Variants in CPEB3 observed in about 807,000 individuals in gnomAD.
CPEB3 encodes cytoplasmic polyadenylation element-binding protein 3.
CPEB3 carries 20 observed loss-of-function variants against 67.2 expected under a neutral mutation model. The ratio of observed to expected loss-of-function variants is 0.30; its 90% CI spans 0.21 to 0.43. The LOEUF (loss-of-function observed/expected upper bound fraction) is 0.43. CPEB3 is among the 20% of genes least tolerant of loss of function. The pLI, the probability that CPEB3 is intolerant of heterozygous loss-of-function variation, is 1.00. For synonymous variants in CPEB3, 376 were observed against 393.1 expected (o/e 0.96, Z 0.51); for missense variants, 746 against 968.6 (o/e 0.77, Z 3.05).
Position 92,173,542 on chromosome 10 carries a change from T to C in CPEB3, c.1222+7421A>G, listed in dbSNP as rs140418467. Among the ~76,000 whole-genome samples, 331 of 152,230 alleles carry C rather than the reference T, an allele frequency of 2.2e-3. 1 individual carries two copies. Among genetic ancestry groups the C allele is most frequent in the African/African-American group, 7.7e-3 (321 of 41,526 alleles). ...AAACTATTTTCCCAAAGACACCGAA[T>C]TTGCATGTTTGTGTTAAGGTAGTAA... On this transcript the variant is annotated intron_variant, in intron 4 of 9. Coordinates refer to ENST00000265997, the MANE Select transcript of CPEB3 (RefSeq NM_014912.5).
At chr10:92,119,973 C>T (rs1369819542) in intron 6 of CPEB3, among the ~76,000 whole-genome samples, 4 of 151,310 alleles carry the variant, frequency 2.6e-5, no homozygotes, top group East Asian at 1.9e-4. Flanking sequence ...AAACAAATTG[C>T]GCCAGGCGCG....
intron 9 of CPEB3, among the ~76,000 whole-genome samples, chr10:92,069,354 T>C (rs1248819107): frequency 1.3e-5 from 2 of 152,168 alleles, no homozygotes; most frequent in East Asian, 3.8e-4. Context: ...AAATAAAAAA[T>C]TGACTATTCT....
chr10:92,112,927 A>C (rs896897062), intron 6 of CPEB3, among the ~76,000 whole-genome samples: 2 of 152,264 alleles, frequency 1.3e-5, no homozygotes, highest in African/African-American at 4.8e-5. Flanking sequence ...CTGGCTAAGA[A>C]GCAAAGCTCT....
At chr10:92,240,690 A>G (rs1007914398) in intron 1 of CPEB3, among the ~76,000 whole-genome samples, 6 of 152,242 alleles carry the variant, frequency 3.9e-5, no homozygotes, top group Non-Finnish European at 4.4e-5. Context: ...CGGAACTCAG[A>G]GCGTTCGCCC....
intron 1 of CPEB3, among the ~76,000 whole-genome samples, chr10:92,284,544 C>A (rs922096601): frequency 6.6e-6 from 1 of 152,008 alleles, no homozygotes; most frequent in Admixed American, 6.6e-5. Flanking sequence ...CATTTGTACA[C>A]GCTGTTCTTT....
rs1850426596 is a variant in CPEB3 at position 92,216,768 on chromosome 10, T to C, written c.1005+22578A>G. The C allele has an allele frequency of 7.5e-6, 12 of 1,609,552 alleles. No homozygotes were observed. In the South Asian group the frequency reaches 1.1e-4, roughly 15 times the overall value. ...GCTTACGACGAGTGCCTGGAGGAGG[T>C]GCAGTCCCTGCCCCTACCCCTATGA... On this transcript the variant is annotated intron_variant, in intron 2 of 9. Coordinates refer to ENST00000265997, the MANE Select transcript of CPEB3 (RefSeq NM_014912.5).
At chr10:92,154,100 T>A (rs1236589564) in intron 4 of CPEB3, among the ~76,000 whole-genome samples, 2 of 152,220 alleles carry the variant, frequency 1.3e-5, no homozygotes, top group African/African-American at 4.8e-5. Context: ...CATTCTCATG[T>A]GAAATGAAAA....
intron 9 of CPEB3, among the ~76,000 whole-genome samples, chr10:92,073,642 C>A (rs991114434): frequency 1.5e-4 from 23 of 151,892 alleles, no homozygotes; most frequent in African/African-American, 5.6e-4. Flanking sequence ...AGATGAGGGT[C>A]TTGTTATGTT....
intron 4 of CPEB3, among the ~76,000 whole-genome samples, chr10:92,168,292 T>C (rs915748162): frequency 6.6e-5 from 10 of 152,230 alleles, no homozygotes; most frequent in African/African-American, 2.2e-4. Context: ...CCTACAGGTA[T>C]CTTAAGCAAA....
intron 9 of CPEB3, 47 bp downstream of exon 9, chr10:92,081,273 A>G: frequency 1.2e-6 from 2 of 1,607,512 alleles, no homozygotes; most frequent in South Asian, 2.2e-5. Flanking sequence ...CTACAGAACA[A>G]ACTTCTTTTC....
At chr10:92,145,116 A>C in intron 4 of CPEB3, 31 bp from the exon 5 acceptor site, 1 of 1,611,516 alleles carries the variant, frequency 6.2e-7, no homozygotes, top group Non-Finnish European at 8.5e-7. Context: ...GATCGACCTG[A>C]AACAAATGTG....
chr10:92,103,437 G>A (rs527646290), intron 7 of CPEB3, among the ~76,000 whole-genome samples: 26 of 152,332 alleles, frequency 1.7e-4, no homozygotes, highest in African/African-American at 6.3e-4. Context: ...AGCTAAGGAA[G>A]CTAAGGATCA....
intron 4 of CPEB3, among the ~76,000 whole-genome samples, chr10:92,155,122 T>C (rs929206824): frequency 2.0e-5 from 3 of 152,088 alleles, no homozygotes; most frequent in Non-Finnish European, 4.4e-5. Context: ...GGCAGGAGAA[T>C]CACTTGAACC....
chr10:92,243,737 G>C (rs1432873246), intron 1 of CPEB3, among the ~76,000 whole-genome samples: 1 of 152,156 alleles, frequency 6.6e-6, no homozygotes, highest in African/African-American at 2.4e-5. Flanking sequence ...TTTTTCAGCA[G>C]AGATGGCATA....
At chr10:92,178,514 C>T (rs934976958) in intron 4 of CPEB3, among the ~76,000 whole-genome samples, 9 of 151,860 alleles carry the variant, frequency 5.9e-5, no homozygotes, top group South Asian at 2.1e-4. Context: ...AGACCAGTCA[C>T]GGACAAAAAG....
Position 92,239,403 on chromosome 10 carries a change from G to A in CPEB3, c.948C>T (p.Ser316=), listed in dbSNP as rs1851700882. 2 of 1,605,316 alleles carry A rather than the reference G, an allele frequency of 1.2e-6. No individual in the cohort carries two copies. The highest frequency in any genetic ancestry group is 2.2e-5 in the East Asian group (1 of 44,682). ...FPRAAPLTSK[S]WMEDNAFRTD... is the part of the protein sequence containing the mutation. ...TCCGGAAAGCGTTATCCTCCATCCAGGACTTGGAAGTGAGAGGGGCCGCGC... is the reference window on the plus strand; with the variant it reads ...TCCGGAAAGCGTTATCCTCCATCCAAGACTTGGAAGTGAGAGGGGCCGCGC... Residue 316 remains serine, a synonymous_variant, in exon 2 of 10, where the codon TCC becomes TCT. Transcript: ENST00000265997. The surrounding 1 kb of genome is among the most constrained non-coding windows in gnomAD (Gnocchi z 6.0).
rs144159206 is a variant in CPEB3 at position 92,164,428 on chromosome 10, T to G, written c.1222+16535A>C. Reference sequence around the variant, plus strand: ...AATCAAGATATGACAGTTCAACACCTTTGAAAATTTCTTTGTGTGCTTTTG... The same window carrying G: ...AATCAAGATATGACAGTTCAACACCGTTGAAAATTTCTTTGTGTGCTTTTG... On this transcript the variant is annotated intron_variant, in intron 4 of 9. Transcript: ENST00000265997. Among the ~76,000 whole-genome samples the G allele has an allele frequency of 2.9e-4, 44 of 152,310 alleles. No individual in the cohort carries two copies. In the East Asian group the frequency reaches 6.9e-3, roughly 24 times the overall value.
At chr10:92,195,861 C>A (rs1406127022) in intron 2 of CPEB3, among the ~76,000 whole-genome samples, 1 of 152,138 alleles carries the variant, frequency 6.6e-6, no homozygotes, top group Non-Finnish European at 1.5e-5. Flanking sequence ...GTATAAAAAT[C>A]TGGCCAAAGA....
chr10:92,137,565 G>A, intron 6 of CPEB3: 2 of 746,166 alleles, frequency 2.7e-6, no homozygotes, highest in Non-Finnish European at 2.4e-6. Flanking sequence ...CTGTCAAGAA[G>A]GAAGAGTTGA....
Sources: allele counts gnomAD v4.1 joint callset (sites outside exome capture counted in the v4.1 genomes callset), GRCh38; gene constraint gnomAD v4.1.1; non-coding constraint Gnocchi (gnomAD v3.1); transcripts MANE v1.5; gene names NCBI Gene and HGNC (gene_info 2026-07-23, HGNC 2026-07-21).